Variants in NAV2 observed in about 807,000 individuals in gnomAD.
NAV2 encodes helicase, APC down-regulated 1.
A neutral mutation model predicts 223.2 loss-of-function variants in NAV2; 54 were observed. The observed-to-expected ratio is 0.24, with a 90% confidence interval of 0.19 to 0.30. The LOEUF (loss-of-function observed/expected upper bound fraction) is 0.30, where lower values mean the gene tolerates loss of function less well. NAV2 is among the 10% of genes least tolerant of loss of function. The probability of loss-of-function intolerance (pLI) is 1.00; values close to 1 mark genes in which losing one functional copy is unlikely to be tolerated. For missense variants in NAV2, 2,806 were observed against 3,147.5 expected (o/e 0.89, Z 2.60); for synonymous variants, 1,279 against 1,239.3 (o/e 1.03, Z -0.67).
chr11:19,885,997 A>G (rs572848426), intron 5 of NAV2, among the ~76,000 whole-genome samples: 8 of 152,120 alleles, frequency 5.3e-5, no homozygotes, highest in African/African-American at 1.7e-4. Flanking sequence ...ACTCTTGTGT[A>G]TTGATTTTTG....
chr11:19,469,490 C>T (rs555800344), intron 1 of NAV2, among the ~76,000 whole-genome samples: 3 of 152,294 alleles, frequency 2.0e-5, no homozygotes, highest in Admixed American at 1.3e-4. Flanking sequence ...CTAATTAAAA[C>T]ATCTGATCCA....
intron 1 of NAV2, among the ~76,000 whole-genome samples, chr11:19,529,600 C>T (rs79970293): frequency 2.6e-5 from 4 of 152,196 alleles, no homozygotes; most frequent in Non-Finnish European, 5.9e-5. Flanking sequence ...TGTCTCCCCA[C>T]CTGGGATATA....
chr11:19,515,927 A>C (rs1242560313), intron 1 of NAV2, among the ~76,000 whole-genome samples: 3 of 152,112 alleles, frequency 2.0e-5, no homozygotes, highest in Non-Finnish European at 4.4e-5. Flanking sequence ...CAACTAGAAG[A>C]ATGGGCTTGC....
At chr11:19,372,997 G>A (rs980766699) in intron 1 of NAV2, among the ~76,000 whole-genome samples, 2 of 152,178 alleles carry the variant, frequency 1.3e-5, no homozygotes, top group African/African-American at 4.8e-5. Context: ...GAGGGACAAC[G>A]AACATTTTTG....
At chr11:19,859,905 G>A (rs2061611946) in intron 3 of NAV2, among the ~76,000 whole-genome samples, 1 of 141,628 alleles carries the variant, frequency 7.1e-6, no homozygotes, top group Non-Finnish European at 1.6e-5. Flanking sequence ...GGGGCGGCTG[G>A]CCGGGCAGAG....
chr11:19,806,316 A>G (rs185109004), intron 1 of NAV2, among the ~76,000 whole-genome samples: 4 of 152,376 alleles, frequency 2.6e-5, no homozygotes, highest in Admixed American at 1.3e-4. Flanking sequence ...TGTAAGTGAT[A>G]ACTATTTCTT....
intron 1 of NAV2, among the ~76,000 whole-genome samples, chr11:19,641,774 C>T (rs1418016867): frequency 6.6e-6 from 1 of 152,136 alleles, no homozygotes; most frequent in Non-Finnish European, 1.5e-5. Flanking sequence ...AGCTTCTGTG[C>T]TTACCCTGTC....
At chr11:19,980,275 A>C (rs2050182348) in intron 10 of NAV2, among the ~76,000 whole-genome samples, 1 of 152,222 alleles carries the variant, frequency 6.6e-6, no homozygotes. Flanking sequence ...CTATCATGGC[A>C]GAACTCGGGA....
At chr11:19,811,260 G>A (rs1471468277) in intron 1 of NAV2, among the ~76,000 whole-genome samples, 1 of 152,098 alleles carries the variant, frequency 6.6e-6, no homozygotes, top group Non-Finnish European at 1.5e-5. Flanking sequence ...TGCATGTCAT[G>A]GGCTCTCCTA....
intron 1 of NAV2, among the ~76,000 whole-genome samples, chr11:19,496,839 G>GAAACA (rs1214560057): frequency 2.6e-5 from 4 of 152,094 alleles, no homozygotes; most frequent in African/African-American, 4.8e-5. Context: ...AACAAAAACA[G>GAAACA]AAACAAAACA....
At chr11:19,884,287 C>T in intron 5 of NAV2, 1 of 1,610,550 alleles carries the variant, frequency 6.2e-7, no homozygotes, top group Non-Finnish European at 8.5e-7. Flanking sequence ...TCTTTCCTAT[C>T]ATGCAGTGCA....
At chr11:19,388,992 A>G (rs1032576252) in intron 1 of NAV2, among the ~76,000 whole-genome samples, 3 of 152,224 alleles carry the variant, frequency 2.0e-5, no homozygotes, top group African/African-American at 4.8e-5. Context: ...TCAGTCTTCA[A>G]TAGTTCACTA....
At chr11:20,062,123 A>G (rs889135666) in intron 19 of NAV2, among the ~76,000 whole-genome samples, 184 bp from the exon 20 acceptor site, 11 of 152,192 alleles carry the variant, frequency 7.2e-5, no homozygotes, top group Admixed American at 3.9e-4. Flanking sequence ...GAAAAGTGAC[A>G]TCCTTAGCAA....
chr11:19,539,957 G>A (rs768567052), intron 1 of NAV2, among the ~76,000 whole-genome samples: 12 of 152,196 alleles, frequency 7.9e-5, no homozygotes, highest in Admixed American at 4.6e-4. Flanking sequence ...TTTCTGTCCC[G>A]ATAGGAGCAC....
At chr11:19,653,010 G>A (rs2048013953) in intron 1 of NAV2, among the ~76,000 whole-genome samples, 1 of 152,088 alleles carries the variant, frequency 6.6e-6, no homozygotes, top group Non-Finnish European at 1.5e-5. Flanking sequence ...AGGGAAGGCA[G>A]AGATTGTCCA....
intron 1 of NAV2, among the ~76,000 whole-genome samples, chr11:19,795,098 C>A (rs2057793621): frequency 6.6e-6 from 1 of 152,200 alleles, no homozygotes; most frequent in African/African-American, 2.4e-5. Flanking sequence ...GTGCCACAGT[C>A]TGCGCAAGGC....
At chr11:19,606,896 G>T (rs1467609081) in intron 1 of NAV2, among the ~76,000 whole-genome samples, 3 of 152,194 alleles carry the variant, frequency 2.0e-5, no homozygotes, top group African/African-American at 7.2e-5. Context: ...AGAGGCTCAG[G>T]CCCCACCCCA....
At position 19,912,971 on chromosome 11, in the gene NAV2, A is replaced by G. The variant is rs190024455; in HGVS notation, c.932-20205A>G. ...TCCTCCTAATAAACTGATATCCTTCAGGTTTATTTGGTTTAACTCCTGCTC... is the reference window on the plus strand; with the variant it reads ...TCCTCCTAATAAACTGATATCCTTCGGGTTTATTTGGTTTAACTCCTGCTC... On this transcript the variant is annotated intron_variant, in intron 6 of 37. Transcript: ENST00000349880. Among the ~76,000 whole-genome samples the G allele has an allele frequency of 5.3e-5, 8 of 152,250 alleles. No individual in the cohort carries two copies. In the East Asian group the frequency reaches 1.5e-3, roughly 29 times the overall value.
intron 8 of NAV2, among the ~76,000 whole-genome samples, chr11:19,942,155 C>G (rs1372425294): frequency 1.3e-5 from 2 of 152,202 alleles, no homozygotes; most frequent in Non-Finnish European, 2.9e-5. Flanking sequence ...TCCACTGGAG[C>G]TCGATTGTGT....
Sources: allele counts gnomAD v4.1 joint callset (sites outside exome capture counted in the v4.1 genomes callset), GRCh38; gene constraint gnomAD v4.1.1; transcripts MANE v1.5; gene names NCBI Gene and HGNC (gene_info 2026-07-23, HGNC 2026-07-21).